LRSAM1: variants seen among roughly 807,000 people sequenced by gnomAD.
LRSAM1 encodes E3 ubiquitin-protein ligase LRSAM1.
In LRSAM1, 96 loss-of-function variants were observed where a neutral mutation model predicts 118.1. The observed-to-expected ratio is 0.81, with a 90% CI of 0.69 to 0.96. LRSAM1 has a LOEUF of 0.96. Among genes scored for constraint, LRSAM1 ranks in the 40% least tolerant of loss-of-function variants. The pLI, the probability that LRSAM1 is intolerant of heterozygous loss-of-function variation, is 0.00. For missense variants in LRSAM1, 804 were observed against 915.5 expected (o/e 0.88, Z 1.57); for synonymous variants, 322 against 364.2 (o/e 0.88, Z 1.32).
intron 7 of LRSAM1, among the ~76,000 whole-genome samples, chr9:127,460,747 T>A (rs1834702982): frequency 6.6e-6 from 1 of 151,558 alleles, no homozygotes; most frequent in Non-Finnish European, 1.5e-5. Flanking sequence ...AGAGCTTGTG[T>A]GTGTAGTGCC....
chr9:127,480,129 G>A, intron 14 of LRSAM1, 151 bp downstream of exon 14: 1 of 1,030,224 alleles, frequency 9.7e-7, no homozygotes, highest in Non-Finnish European at 1.5e-6. Context: ...ACTGGCACCA[G>A]CGTAGAGAGA....
At chr9:127,458,330 C>T (rs969854532) in intron 6 of LRSAM1, among the ~76,000 whole-genome samples, 38 of 150,622 alleles carry the variant, frequency 2.5e-4, no homozygotes, top group South Asian at 1.9e-3. Context: ...TGCAGTGAGC[C>T]GAGATTGCGC....
chr9:127,487,619 ATAG>A, intron 17 of LRSAM1, 54 bp from the exon 18 acceptor site: 2 of 1,510,654 alleles, frequency 1.3e-6, no homozygotes, highest in Non-Finnish European at 1.8e-6. Flanking sequence ...GGCCTGGCAC[ATAG>A]TAGGTGCTCG....
chr9:127,466,530 TC>T (rs776197379), intron 9 of LRSAM1, among the ~76,000 whole-genome samples: 2,487 of 83,632 alleles, frequency 0.03, 312 homozygotes, highest in African/African-American at 0.034. Context: ...TTTTTTTTTT[TC>T]CACTAGAGAT....
intron 19 of LRSAM1, 132 bp downstream of exon 19, chr9:127,489,650 G>C: frequency 2.0e-6 from 2 of 1,013,082 alleles, no homozygotes; most frequent in South Asian, 2.8e-5. Context: ...AAGAGGTCGA[G>C]GCCTTGCCCT....
chr9:127,458,250 C>T (rs938617841), intron 6 of LRSAM1, among the ~76,000 whole-genome samples: 13 of 152,058 alleles, frequency 8.5e-5, no homozygotes, highest in Non-Finnish European at 2.9e-5. Flanking sequence ...GGCGCGGTGG[C>T]GGGCGCCTGT....
At chr9:127,497,671 G>C (rs969455042) in intron 24 of LRSAM1, among the ~76,000 whole-genome samples, 2 of 152,200 alleles carry the variant, frequency 1.3e-5, no homozygotes, top group Non-Finnish European at 2.9e-5. Flanking sequence ...GAAATAGCCC[G>C]TCCCCAGGGC....
Position 127,465,058 on chromosome 9 carries a change from G to A in LRSAM1, c.529-2682G>A, listed in dbSNP as rs1020034753. Among the ~76,000 whole-genome samples the A allele has an allele frequency of 2.0e-5, 3 of 152,000 alleles. No homozygotes were observed. Among genetic ancestry groups the A allele is most frequent in the African/African-American group, 7.3e-5 (3 of 41,306 alleles). ...CCGTTCTGAGTTCAGGCCGTACTGT[G>A]GGCAAGATCTTCAGGTGTCACGCAC... On this transcript the variant is annotated intron_variant, in intron 9 of 25. Coordinates refer to ENST00000300417, the MANE Select transcript of LRSAM1 (RefSeq NM_001005373.4). The surrounding 1 kb of genome is among the most constrained non-coding windows in gnomAD (Gnocchi z 4.1).
chr9:127,466,172 G>A (rs148862951), intron 9 of LRSAM1, among the ~76,000 whole-genome samples: 180 of 151,994 alleles, frequency 1.2e-3, no homozygotes, highest in African/African-American at 3.5e-3. Context: ...AGCCGGGTGT[G>A]GTGGCGCATG....
chr9:127,456,093 G>T (rs10987655), intron 5 of LRSAM1, among the ~76,000 whole-genome samples: 25,754 of 149,258 alleles, frequency 0.17, 2,877 homozygotes, highest in Admixed American at 0.31. Flanking sequence ...TGATTTTTCA[G>T]CAGAGCATTG....
Position 127,473,820 on chromosome 9 carries a change from C to G in LRSAM1, c.639C>G (p.Tyr213Ter), listed in dbSNP as rs941908516. Residue 213 changes from tyrosine (Y) to a stop codon, truncating the protein, a stop_gained, in exon 11 of 26, where the codon TAC (tyrosine) becomes TAG (stop). Coordinates refer to ENST00000300417, the MANE Select transcript of LRSAM1 (RefSeq NM_001005373.4). LOFTEE classifies it high-confidence loss of function. Reference sequence around the variant, plus strand: ...TTACAGAGTCAGGGCTGGAATACTACCCCCCTTCTCAGTACTTGCTGCCAA... The same window carrying G: ...TTACAGAGTCAGGGCTGGAATACTAGCCCCCTTCTCAGTACTTGCTGCCAA... ...FLCKESGLEY[Y>*]PPSQYLLPIL... 1.2e-6 allele frequency: 2 copies of G among 1,614,172 alleles called. No homozygotes were observed. Among genetic ancestry groups the G allele is most frequent in the African/African-American group, 1.3e-5 (1 of 75,054 alleles).
At chr9:127,456,017 G>T (rs910676778) in intron 5 of LRSAM1, among the ~76,000 whole-genome samples, 2 of 152,132 alleles carry the variant, frequency 1.3e-5, no homozygotes, top group Non-Finnish European at 2.9e-5. Context: ...GAACCCCGGT[G>T]TTAGTAATAA....
chr9:127,470,887 G>C (rs1835140300), intron 10 of LRSAM1: 1 of 152,024 alleles, frequency 6.6e-6, no homozygotes, highest in African/African-American at 2.4e-5. Flanking sequence ...TCGGCCCAAA[G>C]GCAGTGAGTT....
chr9:127,499,697 G>A (rs186724662), intron 24 of LRSAM1, among the ~76,000 whole-genome samples: 221 of 152,158 alleles, frequency 1.5e-3, no homozygotes, highest in African/African-American at 5.2e-3. Flanking sequence ...TTGGGAAGCC[G>A]AGGCGGGCAG....
At position 127,499,529 on chromosome 9, in the gene LRSAM1, T is replaced by TAAA. The variant is rs34940320; in HGVS notation, c.1913-1474_1913-1472dup. On this transcript the variant is annotated intron_variant, in intron 24 of 25. Coordinates refer to ENST00000300417, the MANE Select transcript of LRSAM1 (RefSeq NM_001005373.4). ...CTGGGTGACAGAGCAAGACCCTGTCTAAAAAAAAATATATATATATATATA... is the reference window on the plus strand; with the variant it reads ...CTGGGTGACAGAGCAAGACCCTGTCTAAAAAAAAAAAATATATATATATATATA... Among the ~76,000 whole-genome samples, 13 of 115,010 alleles carry TAAA rather than the reference T, an allele frequency of 1.1e-4. No homozygotes were observed. In the East Asian group the frequency reaches 1.2e-3, roughly 11 times the overall value. 75.5% of individuals were successfully genotyped at this position (115,010 alleles called of 152,430 possible).
intron 24 of LRSAM1, among the ~76,000 whole-genome samples, chr9:127,499,099 T>C (rs370754350): frequency 8.5e-4 from 126 of 147,912 alleles, no homozygotes; most frequent in African/African-American, 3.0e-3. Context: ...AGAAGCTGGG[T>C]GCAGTGGCTC....
chr9:127,461,037 G>A, intron 7 of LRSAM1, 136 bp from the exon 8 acceptor site: 1 of 561,328 alleles, frequency 1.8e-6, no homozygotes, highest in Non-Finnish European at 3.4e-6. Context: ...TGTATTTTTA[G>A]TAGAGATGGG....
At chr9:127,458,274 C>T (rs903908405) in intron 6 of LRSAM1, among the ~76,000 whole-genome samples, 4 of 151,732 alleles carry the variant, frequency 2.6e-5, no homozygotes, top group African/African-American at 7.3e-5. Flanking sequence ...CCCAGCTACT[C>T]GGGAGGCTGA....
intron 16 of LRSAM1, among the ~76,000 whole-genome samples, chr9:127,484,337 A>T (rs1317431405): frequency 2.8e-5 from 4 of 145,436 alleles, no homozygotes; most frequent in Non-Finnish European, 6.0e-5. Context: ...TTCCTTTTTA[A>T]TAGTAAATAA....
Sources: gnomAD v4.1 joint callset for allele counts (sites outside exome capture counted in the v4.1 genomes callset) on GRCh38, gnomAD v4.1.1 for gene constraint, Gnocchi (gnomAD v3.1) non-coding constraint, MANE v1.5 for transcripts, NCBI Gene and HGNC (gene_info 2026-07-23, HGNC 2026-07-21) for gene names.